ME1: variants seen among roughly 807,000 people sequenced by gnomAD.
ME1 encodes the protein NADP-dependent malic enzyme.
In ME1, 74 loss-of-function variants were observed where a neutral mutation model predicts 66.4. The observed-to-expected ratio is 1.11, with a 90% CI of 0.92 to 1.35. ME1 has a LOEUF of 1.35. Among genes scored for constraint, ME1 ranks in the 40% most tolerant of loss-of-function variants. The probability of loss-of-function intolerance (pLI) is 0.00; values close to 1 mark genes in which losing one functional copy is unlikely to be tolerated. For missense variants in ME1, 750 were observed against 694.1 expected (o/e 1.08, Z -0.90); for synonymous variants, 251 against 235.6 (o/e 1.07, Z -0.60).
chr6:83,388,384 C>T (rs561053348), intron 3 of ME1, among the ~76,000 whole-genome samples: 1 of 152,230 alleles, frequency 6.6e-6, no homozygotes, highest in East Asian at 1.9e-4. Flanking sequence ...CCACATCTGG[C>T]CCCCCAAATG....
chr6:83,261,469 T>G (rs1766887713), intron 6 of ME1, among the ~76,000 whole-genome samples: 1 of 147,192 alleles, frequency 6.8e-6, no homozygotes, highest in Admixed American at 6.9e-5. Flanking sequence ...TTTAATTAGA[T>G]CCCATTTGTA....
chr6:83,393,011 C>A, intron 3 of ME1: 2 of 1,086,582 alleles, frequency 1.8e-6, no homozygotes, highest in East Asian at 2.4e-5. Flanking sequence ...ATGGGGCTCT[C>A]CAGAACATCC....
intron 6 of ME1, among the ~76,000 whole-genome samples, chr6:83,259,276 G>C (rs1431054923): frequency 6.6e-6 from 1 of 152,068 alleles, no homozygotes; most frequent in Non-Finnish European, 1.5e-5. Flanking sequence ...CAGCAAATAA[G>C]AAACATGGAT....
intron 5 of ME1, among the ~76,000 whole-genome samples, chr6:83,329,742 T>C (rs958039233): frequency 3.9e-5 from 6 of 152,248 alleles, no homozygotes; most frequent in African/African-American, 1.4e-4. Flanking sequence ...TCTGTGTCCA[T>C]ATGTCCTTAG....
At chr6:83,250,012 T>C (rs1790695016) in intron 7 of ME1, among the ~76,000 whole-genome samples, 1 of 152,190 alleles carries the variant, frequency 6.6e-6, no homozygotes, top group South Asian at 2.1e-4. Context: ...AGCTGTTCAT[T>C]GTGGCCTTGC....
intron 5 of ME1, among the ~76,000 whole-genome samples, chr6:83,328,147 T>C (rs1227633225): frequency 6.6e-6 from 1 of 152,144 alleles, no homozygotes; most frequent in Non-Finnish European, 1.5e-5. Context: ...TATAAAAGAA[T>C]GAGTTCACGT....
chr6:83,255,738 GCTT>G (rs1766756461), intron 6 of ME1, among the ~76,000 whole-genome samples: 1 of 151,910 alleles, frequency 6.6e-6, no homozygotes, highest in Non-Finnish European at 1.5e-5. Flanking sequence ...CTGTTTCTGT[GCTT>G]TCCCATTTTA....
At chr6:83,242,562 CAA>C (rs1249547718) in intron 7 of ME1, among the ~76,000 whole-genome samples, 1 of 151,972 alleles carries the variant, frequency 6.6e-6, no homozygotes, top group Non-Finnish European at 1.5e-5. Flanking sequence ...GAACCTCAGA[CAA>C]GAGGACACAA....
intron 5 of ME1, among the ~76,000 whole-genome samples, chr6:83,333,078 TAATTCC>T (rs1490819980): frequency 6.6e-5 from 10 of 152,194 alleles, no homozygotes; most frequent in Non-Finnish European, 1.0e-4. Flanking sequence ...AACTGGCAGC[TAATTCC>T]ATTTCTATTT....
Position 83,211,948 on chromosome 6 carries a change from T to C in ME1, c.1695A>G (p.Lys565=), listed in dbSNP as rs1487340054. Residue 565 remains lysine, a synonymous_variant, in exon 14 of 14, where the codon AAA becomes AAG. Coordinates refer to ENST00000369705, the MANE Select transcript of ME1 (RefSeq NM_002395.6). ...DCYSWPEEVQ[K]IQTKVDQ Reference sequence around the variant, plus strand: ...CCTACTGGTCAACTTTGGTCTGTATTTTCTGCACCTCTTCAGGCCAAGAAT... The same window carrying C: ...CCTACTGGTCAACTTTGGTCTGTATCTTCTGCACCTCTTCAGGCCAAGAAT... 1 of 1,602,198 alleles carries C rather than the reference T, an allele frequency of 6.2e-7. No individual in the cohort carries two copies. The highest frequency in any genetic ancestry group is 1.7e-5 in the Admixed American group (1 of 59,394).
intron 6 of ME1, among the ~76,000 whole-genome samples, chr6:83,259,917 T>C (rs1766854314): frequency 6.6e-6 from 1 of 152,154 alleles, no homozygotes; most frequent in African/African-American, 2.4e-5. Context: ...CTCAAGTTTC[T>C]TGTCTTCTTA....
chr6:83,307,984 T>C (rs1767857048), intron 6 of ME1, among the ~76,000 whole-genome samples: 1 of 152,158 alleles, frequency 6.6e-6, no homozygotes, highest in African/African-American at 2.4e-5. Flanking sequence ...ATAGTATCTC[T>C]GACTAGTCTG....
At chr6:83,225,059 G>T (rs1049891514) in intron 11 of ME1, among the ~76,000 whole-genome samples, 4 of 151,730 alleles carry the variant, frequency 2.6e-5, no homozygotes, top group Non-Finnish European at 1.5e-5. Context: ...AAAATTAGCT[G>T]GGTGTGGTGG....
At chr6:83,269,728 G>A (rs1013318) in intron 6 of ME1, among the ~76,000 whole-genome samples, 43,771 of 151,874 alleles carry the variant, frequency 0.29, 7,223 homozygotes, top group Middle Eastern at 0.47. Flanking sequence ...TCTTGTCCTC[G>A]GAGACTAGGT....
intron 3 of ME1, among the ~76,000 whole-genome samples, chr6:83,361,404 C>T (rs187935677): frequency 1.6e-4 from 24 of 152,358 alleles, no homozygotes; most frequent in African/African-American, 3.6e-4. Context: ...ATTACTCCAG[C>T]CCATTTATCG....
intron 1 of ME1, among the ~76,000 whole-genome samples, chr6:83,423,859 A>T (rs1345708236): frequency 6.6e-6 from 1 of 152,186 alleles, no homozygotes; most frequent in Non-Finnish European, 1.5e-5. Flanking sequence ...CTATAATACC[A>T]GCACTTTGGA....
At chr6:83,423,490 T>C (rs1353723499) in intron 1 of ME1, among the ~76,000 whole-genome samples, 1 of 151,174 alleles carries the variant, frequency 6.6e-6, no homozygotes. Context: ...CTTTAAAATA[T>C]GTGTGACAGT....
chr6:83,281,855 G>GA (rs1301482507), intron 6 of ME1, among the ~76,000 whole-genome samples: 321 of 45,326 alleles, frequency 7.1e-3, no homozygotes, highest in Non-Finnish European at 7.8e-3. Flanking sequence ...ACAAAAAAGA[G>GA]AAAAAAAAAA....
intron 6 of ME1, among the ~76,000 whole-genome samples, chr6:83,301,314 TTC>T (rs560570045): frequency 0.069 from 9,697 of 141,074 alleles, 794 homozygotes; most frequent in African/African-American, 0.19. Flanking sequence ...CTTTCTTTCT[TTC>T]TCTCTCTCTC....
Sources: allele counts gnomAD v4.1 joint callset (sites outside exome capture counted in the v4.1 genomes callset), GRCh38; gene constraint gnomAD v4.1.1; transcripts MANE v1.5; gene names NCBI Gene and HGNC (gene_info 2026-07-23, HGNC 2026-07-21).